Variants in CDIN1 observed in about 807,000 individuals in gnomAD.
CDIN1 encodes CDAN1-interacting nuclease 1.
CDIN1 carries 33 observed loss-of-function variants against 45.3 expected under a neutral mutation model. That is an observed-to-expected ratio of 0.73 (90% CI 0.55 to 0.97). The LOEUF is 0.97. Ranked by LOEUF, CDIN1 falls within the 50% of genes least tolerant of loss-of-function variation. CDIN1 has a pLI of 0.00. For missense variants in CDIN1, 303 were observed against 339.4 expected (o/e 0.89, Z 0.84); for synonymous variants, 118 against 124.4 (o/e 0.95, Z 0.34).
At chr15:36,619,255 A>T in intron 1 of CDIN1, 2 of 1,216,918 alleles carry the variant, frequency 1.6e-6, no homozygotes, top group Non-Finnish European at 2.2e-6. Flanking sequence ...TGTGCCACCC[A>T]GATCACCAAA....
rs57349735 is a variant in CDIN1, at chr15:36,645,494, T to TTG, written c.212+244_212+245dup. On this transcript the variant is annotated intron_variant, in intron 3 of 10. Coordinates refer to ENST00000566621, the MANE Select transcript of CDIN1 (RefSeq NM_001321759.2). ...AAGAGTATGGTAAGGCTGTCTTGAC[T>TTG]TGTGTGTGTGTGTGTGTGTGTGTGT... is the stretch of plus-strand genomic sequence containing the variant. 0.38 allele frequency among the ~76,000 whole-genome samples: 54,019 copies of TTG among 143,170 alleles called. 10,153 individuals carry two copies. The highest frequency in any genetic ancestry group is 0.52 in the East Asian group (2,490 of 4,820). 93.9% of individuals were successfully genotyped at this position (143,170 alleles called of 152,430 possible).
At chr15:36,649,472 C>G (rs1163828874) in intron 3 of CDIN1, among the ~76,000 whole-genome samples, 2 of 152,148 alleles carry the variant, frequency 1.3e-5, no homozygotes. Context: ...GGAGGGCTAA[C>G]AAATACACAT....
chr15:36,654,391 C>T (rs551624064), intron 4 of CDIN1, among the ~76,000 whole-genome samples: 46 of 151,920 alleles, frequency 3.0e-4, no homozygotes, highest in Non-Finnish European at 6.5e-4. Context: ...AATGTATAAA[C>T]AGCCTCTTGG....
chr15:36,586,865 T>A (rs577383259), intron 1 of CDIN1, among the ~76,000 whole-genome samples: 3 of 152,234 alleles, frequency 2.0e-5, no homozygotes, highest in Non-Finnish European at 4.4e-5. Flanking sequence ...ATCCAATAGC[T>A]ATGAAGTATT....
intron 1 of CDIN1, among the ~76,000 whole-genome samples, chr15:36,588,390 T>C (rs1024533789): frequency 6.6e-6 from 1 of 152,328 alleles, no homozygotes. Flanking sequence ...TCTCAGTTTG[T>C]GGTCAATTTT....
intron 10 of CDIN1, among the ~76,000 whole-genome samples, chr15:36,728,572 G>A (rs73383614): frequency 0.053 from 7,660 of 144,960 alleles, 666 homozygotes; most frequent in African/African-American, 0.19. Context: ...TTTTTTAAAT[G>A]CCACGCTTAT....
chr15:36,688,001 G>A (rs142224898), intron 5 of CDIN1, among the ~76,000 whole-genome samples: 144 of 152,202 alleles, frequency 9.5e-4, no homozygotes, highest in South Asian at 2.1e-3. Context: ...ATTGTGGCAT[G>A]TAGCTAAAGC....
At chr15:36,601,152 G>T (rs543624661) in intron 1 of CDIN1, among the ~76,000 whole-genome samples, 1 of 152,230 alleles carries the variant, frequency 6.6e-6, no homozygotes, top group Non-Finnish European at 1.5e-5. Context: ...TGAGGAGTTG[G>T]TTCCCTTTTA....
intron 10 of CDIN1, among the ~76,000 whole-genome samples, chr15:36,732,478 G>C (rs1244640115): frequency 6.6e-6 from 1 of 152,014 alleles, no homozygotes; most frequent in Admixed American, 6.6e-5. Flanking sequence ...AATTTTCTTA[G>C]GCATGACAAT....
chr15:36,780,056 A>G (rs1431059261), intron 10 of CDIN1, among the ~76,000 whole-genome samples: 1 of 145,658 alleles, frequency 6.9e-6, no homozygotes, highest in African/African-American at 2.9e-5. Flanking sequence ...ATGATTCCAA[A>G]TGGAGAGTGA....
At chr15:36,591,906 A>C (rs561575655) in intron 1 of CDIN1, 3 of 152,290 alleles carry the variant, frequency 2.0e-5, no homozygotes, top group African/African-American at 7.2e-5. Flanking sequence ...GGCAAGTATC[A>C]ACAACAAGTG....
intron 1 of CDIN1, among the ~76,000 whole-genome samples, chr15:36,634,227 G>A (rs1398013746): frequency 3.3e-5 from 5 of 152,052 alleles, no homozygotes; most frequent in Non-Finnish European, 5.9e-5. Context: ...TCAGGAGATC[G>A]AGACCATCCT....
At chr15:36,645,359 G>A in intron 3 of CDIN1, 72 bp downstream of exon 3, 1 of 1,243,834 alleles carries the variant, frequency 8.0e-7, no homozygotes, top group Non-Finnish European at 1.1e-6. Flanking sequence ...GAATAAGTTA[G>A]GTTATTAATT....
intron 10 of CDIN1, among the ~76,000 whole-genome samples, chr15:36,803,215 G>T (rs1205797262): frequency 1.3e-5 from 2 of 150,880 alleles, no homozygotes; most frequent in African/African-American, 4.9e-5. Flanking sequence ...AAAATATGGA[G>T]AATTCTTTAT....
intron 10 of CDIN1, among the ~76,000 whole-genome samples, chr15:36,742,147 G>C (rs1399409221): frequency 6.6e-6 from 1 of 152,084 alleles, no homozygotes; most frequent in African/African-American, 2.4e-5. Flanking sequence ...ACAAAAACTA[G>C]TGTGTATATG....
chr15:36,755,515 G>A (rs938137448), intron 10 of CDIN1, among the ~76,000 whole-genome samples: 14 of 152,076 alleles, frequency 9.2e-5, no homozygotes, highest in African/African-American at 3.4e-4. Context: ...GAAAATGACA[G>A]TTGCTGCCAT....
chr15:36,707,694 A>G (rs138102849), intron 8 of CDIN1: 156 of 152,266 alleles, frequency 1.0e-3, no homozygotes, highest in African/African-American at 3.7e-3. Flanking sequence ...ATATTAATCT[A>G]TCTTTTTCAA....
chr15:36,659,199 A>G (rs1466111513), intron 5 of CDIN1, among the ~76,000 whole-genome samples: 1 of 152,156 alleles, frequency 6.6e-6, no homozygotes, highest in Non-Finnish European at 1.5e-5. Flanking sequence ...AACAGAATTC[A>G]TTGACTTGTG....
intron 1 of CDIN1, chr15:36,627,690 G>A (rs1018119427): frequency 4.6e-5 from 7 of 152,362 alleles, no homozygotes; most frequent in East Asian, 3.9e-4. Flanking sequence ...GGGTCCACTC[G>A]GGGCTTCACC....
Sources: gnomAD v4.1 joint callset for allele counts (sites outside exome capture counted in the v4.1 genomes callset) on GRCh38, gnomAD v4.1.1 for gene constraint, MANE v1.5 for transcripts, NCBI Gene and HGNC (gene_info 2026-07-23, HGNC 2026-07-21) for gene names.